BUD23: variants seen among roughly 807,000 people sequenced by gnomAD.
BUD23 encodes the protein 18S rRNA (guanine-N(7))-methyltransferase.
BUD23 carries 34 observed loss-of-function variants against 47.0 expected under a neutral mutation model. The ratio of observed to expected loss-of-function variants is 0.72; its 90% CI spans 0.55 to 0.96. The LOEUF (loss-of-function observed/expected upper bound fraction) is 0.96. Ranked by LOEUF, BUD23 falls within the 40% of genes least tolerant of loss-of-function variation. BUD23 has a pLI of 0.00. For missense variants in BUD23, 343 were observed against 361.2 expected (o/e 0.95, Z 0.41); for synonymous variants, 124 against 132.0 (o/e 0.94, Z 0.41).
At chr7:73,688,830 C>T (rs1366471711) in intron 5 of BUD23, among the ~76,000 whole-genome samples, 2 of 152,078 alleles carry the variant, frequency 1.3e-5, no homozygotes, top group African/African-American at 4.8e-5. Flanking sequence ...AGTGGGGAGC[C>T]AGGTGAGAGG....
At chr7:73,688,865 C>T (rs1171483984) in intron 5 of BUD23, among the ~76,000 whole-genome samples, 1 of 152,050 alleles carries the variant, frequency 6.6e-6, no homozygotes, top group Non-Finnish European at 1.5e-5. Context: ...AGAAGATTTT[C>T]CTTTTACATC....
intron 2 of BUD23, among the ~76,000 whole-genome samples, chr7:73,684,518 C>CCAAGCCCAGGGCT: frequency 6.6e-6 from 1 of 150,976 alleles, no homozygotes; most frequent in South Asian, 2.1e-4. Flanking sequence ...CCAAGGTGGC[C>CCAAGCCCAGGGCT]CAAGCCCAGG....
chr7:73,688,110 A>C (rs555063926), intron 5 of BUD23, among the ~76,000 whole-genome samples: 1 of 152,052 alleles, frequency 6.6e-6, no homozygotes. Context: ...GTTAGCCAGG[A>C]TGGTCTCAAT....
At chr7:73,687,538 G>A (rs1454395888) in intron 5 of BUD23, among the ~76,000 whole-genome samples, 3 of 152,124 alleles carry the variant, frequency 2.0e-5, no homozygotes, top group Non-Finnish European at 2.9e-5. Context: ...GCCTCCCAAA[G>A]TGCTGGGATT....
Position 73,688,041 on chromosome 7 carries a change from G to A in BUD23, c.362+946G>A, listed in dbSNP as rs182839316. Among the ~76,000 whole-genome samples, 70 of 151,912 alleles carry A rather than the reference G, an allele frequency of 4.6e-4. No individual in the cohort carries two copies. The Middle Eastern group carries it at 0.02, about 44-fold the overall frequency. On this transcript the variant is annotated intron_variant, in intron 5 of 11. Transcript: ENST00000265758. The stretch of plus-strand genomic sequence containing the variant: ...CTCCCAAGTACTTGGGACTGCAGGC[G>A]CCCACCACCACGCCCAGCTAATTTT...
chr7:73,697,332 A>G, intron 10 of BUD23: 1 of 1,055,568 alleles, frequency 9.5e-7, no homozygotes, highest in Non-Finnish European at 1.4e-6. Flanking sequence ...CCGAAGAGGG[A>G]ACAGACTGCT....
At chr7:73,697,395 CCAA>C in intron 10 of BUD23, 1 of 1,528,474 alleles carries the variant, frequency 6.5e-7, no homozygotes, top group Non-Finnish European at 8.8e-7. Context: ...CTCTGCCCAC[CCAA>C]CAACCTCTGT....
At chr7:73,684,584 C>A (rs1797866673) in intron 2 of BUD23, among the ~76,000 whole-genome samples, 1 of 132,656 alleles carries the variant, frequency 7.5e-6, no homozygotes, top group South Asian at 2.3e-4. Flanking sequence ...CAGGCGTGAG[C>A]CAGCGCACCT....
chr7:73,690,874 C>A (rs782191466), intron 5 of BUD23, 42 bp from the exon 6 acceptor site: 1 of 1,532,422 alleles, frequency 6.5e-7, no homozygotes, highest in Non-Finnish European at 9.0e-7. Flanking sequence ...GGGGGAGCAA[C>A]GTGGATTGCT....
chr7:73,683,674 G>T lies in BUD23; in HGVS notation c.48+1G>T. 1.2e-6 allele frequency: 2 copies of T among 1,613,658 alleles called. No homozygotes were observed. The highest frequency in any genetic ancestry group is 1.7e-6 in the Non-Finnish European group (2 of 1,179,936). On this transcript the variant is annotated splice_donor_variant, in intron 1 of 11. Coordinates refer to ENST00000265758, the MANE Select transcript of BUD23 (RefSeq NM_017528.5). LOFTEE classifies it high-confidence loss of function. ...GGAGCATGGCGGACCCCCAGAGCTGGTAAGTCCCGGGGCCCGCGGACACCC... is the reference window on the plus strand; with the variant it reads ...GGAGCATGGCGGACCCCCAGAGCTGTTAAGTCCCGGGGCCCGCGGACACCC...
chr7:73,693,942 A>T (rs782007183), intron 9 of BUD23, 50 bp from the exon 10 acceptor site: 1 of 1,607,472 alleles, frequency 6.2e-7, no homozygotes, highest in Non-Finnish European at 8.5e-7. Flanking sequence ...AGTGGGGCAG[A>T]TGGTTTGAGA....
intron 2 of BUD23, among the ~76,000 whole-genome samples, chr7:73,684,586 A>G (rs1554612497): frequency 8.3e-6 from 1 of 120,224 alleles, no homozygotes; most frequent in African/African-American, 3.1e-5. Flanking sequence ...GGCGTGAGCC[A>G]GCGCACCTCG....
At chr7:73,686,793 C>T (rs782411557) in intron 3 of BUD23, 25 bp from the exon 4 acceptor site, 2 of 1,613,928 alleles carry the variant, frequency 1.2e-6, no homozygotes, top group Non-Finnish European at 1.7e-6. Context: ...TAAACTGACC[C>T]TGAGTGTCTG....
At chr7:73,686,527 T>G in intron 2 of BUD23, 109 bp from the exon 3 acceptor site, 10 of 943,106 alleles carry the variant, frequency 1.1e-5, no homozygotes, top group Non-Finnish European at 1.7e-5. Flanking sequence ...ATTGATCCGT[T>G]TTTTGTTTGT....
intron 2 of BUD23, among the ~76,000 whole-genome samples, chr7:73,684,956 A>AAAG (rs1797901751): frequency 7.8e-6 from 1 of 127,440 alleles, no homozygotes; most frequent in Admixed American, 8.3e-5. Flanking sequence ...AAAAAAAAAA[A>AAAG]AAAGATACTT....
At chr7:73,692,528 G>A in intron 6 of BUD23, 68 bp from the exon 7 acceptor site, 1 of 1,464,138 alleles carries the variant, frequency 6.8e-7, no homozygotes, top group Non-Finnish European at 9.5e-7. Flanking sequence ...AATGAAGGAA[G>A]AGAGGGGTGT....
In BUD23 at chr7:73,693,309, C is replaced by G. The variant is rs184763015; in HGVS notation, c.511-20C>G. 2.5e-6 allele frequency: 4 copies of G among 1,610,100 alleles called. No individual in the cohort carries two copies. In the African/African-American group the frequency reaches 4.0e-5, roughly 16 times the overall value. On this transcript the variant is annotated intron_variant, in intron 7 of 11. Coordinates refer to ENST00000265758, the MANE Select transcript of BUD23 (RefSeq NM_017528.5). ...TCCTCTCAACCTCCGCTGCCTGACC[C>G]GCTGCCTTTCTTTCCTCAGTTGGAG...
In BUD23 at chr7:73,686,632, C is replaced by G. The variant is rs782303046; in HGVS notation, c.87-4C>G. 6.2e-7 allele frequency: 1 copy of G among 1,613,872 alleles called. No homozygotes were observed. Among genetic ancestry groups the G allele is most frequent in the Non-Finnish European group, 8.5e-7 (1 of 1,179,940 alleles). Reference sequence around the variant, plus strand: ...CATGTCCACTTGTGTTTCTGCCTTACCAGCTCACGGATGATTGATATCCAG... The same window carrying G: ...CATGTCCACTTGTGTTTCTGCCTTAGCAGCTCACGGATGATTGATATCCAG... On this transcript the variant is annotated splice_region_variant and splice_polypyrimidine_tract_variant and intron_variant, in intron 2 of 11. Coordinates refer to ENST00000265758, the MANE Select transcript of BUD23 (RefSeq NM_017528.5).
chr7:73,692,962 A>G (rs1382151319), intron 7 of BUD23: 1 of 541,820 alleles, frequency 1.8e-6, no homozygotes, highest in Admixed American at 3.2e-5. Context: ...TGTGTGATGT[A>G]TAAATTAAGG....
Sources: allele counts gnomAD v4.1 joint callset (sites outside exome capture counted in the v4.1 genomes callset), GRCh38; gene constraint gnomAD v4.1.1; transcripts MANE v1.5; gene names NCBI Gene and HGNC (gene_info 2026-07-23, HGNC 2026-07-21).